UGGT1: variants seen among roughly 807,000 people sequenced by gnomAD.
The protein encoded by UGGT1 is UDP-glucose glycoprotein glucosyltransferase 1.
UGGT1 carries 107 observed loss-of-function variants against 203.9 expected under a neutral mutation model. The observed-to-expected ratio is 0.52, with a 90% CI of 0.45 to 0.62. The LOEUF is 0.62. Ranked by LOEUF, UGGT1 falls within the 20% of genes least tolerant of loss-of-function variation. UGGT1 has a pLI of 0.00. For synonymous variants in UGGT1, 628 were observed against 653.5 expected, an observed-to-expected ratio of 0.96 and a Z score of 0.59; for missense variants, 1,673 against 1,867.2, an observed-to-expected ratio of 0.90 and a Z score of 1.92.
At chr2:128,116,041 T>G (rs1573517662) in intron 7 of UGGT1, among the ~76,000 whole-genome samples, 1 of 152,160 alleles carries the variant, frequency 6.6e-6, no homozygotes, top group South Asian at 2.1e-4. Flanking sequence ...GAAAAATGCA[T>G]TCTTTATCCA....
chr2:128,179,849 T>A lies in UGGT1; in HGVS notation c.3879T>A (p.Asn1293Lys). The change falls in exon 35 of 41, where the codon AAT becomes AAA. Residue 1293 changes from asparagine (N) to lysine (K), a missense_variant. Physicochemically the swap from Asn to Lys is moderately conservative, Grantham distance 94. Around this residue, in one of 4 missense-constraint regions of UGGT1, gnomAD observed 513 missense variants for 684.1 expected, o/e 0.75. Transcript: ENST00000259253. ...KTPVKFWFLK[N>K]YLSPTFKEFI... ...CTGTGAAATTCTGGTTCTTGAAGAA[T>A]TACTTGTCCCCCACATTTAAGGTTT... is the stretch of plus-strand genomic sequence containing the variant. 6.2e-7 allele frequency: 1 copy of A among 1,613,966 alleles called. No homozygotes were observed. The highest frequency in any genetic ancestry group is 8.5e-7 in the Non-Finnish European group (1 of 1,179,860).
intron 38 of UGGT1, among the ~76,000 whole-genome samples, chr2:128,184,652 T>G (rs1459852837): frequency 6.6e-6 from 1 of 152,186 alleles, no homozygotes; most frequent in Non-Finnish European, 1.5e-5. Flanking sequence ...TCTATCTCAA[T>G]GGAATAATAA....
At position 128,121,258 on chromosome 2, in the gene UGGT1, G is replaced by A. The variant is rs189963968; in HGVS notation, c.1033G>A (p.Val345Ile). The A allele has an allele frequency of 8.6e-5, 139 of 1,613,284 alleles. 1 individual carries two copies. In the East Asian group the frequency reaches 2.9e-3, roughly 33 times the overall value. The part of the protein sequence containing the change: ...LASPVELALV[V>I]MKDLSQNFPT... The stretch of plus-strand genomic sequence containing the variant: ...TTCTCCTGTTGAGTTGGCTTTGGTT[G>A]TCATGAAGGATCTTAGTCAGAATTT... Residue 345 changes from valine (V) to isoleucine (I), a missense_variant, in exon 10 of 41, where the codon GTC becomes ATC. Around this residue, in one of 4 missense-constraint regions of UGGT1, gnomAD observed 1,073 missense variants for 1,078.7 expected, o/e 0.99. Coordinates refer to ENST00000259253, the MANE Select transcript of UGGT1 (RefSeq NM_020120.4).
intron 15 of UGGT1, among the ~76,000 whole-genome samples, chr2:128,137,958 G>A (rs902905059): frequency 3.3e-5 from 5 of 151,730 alleles, no homozygotes; most frequent in South Asian, 2.1e-4. Context: ...GCTTTTTGTC[G>A]TGGGACAGTT....
chr2:128,105,164 T>C (rs1687548826), intron 3 of UGGT1, among the ~76,000 whole-genome samples: 1 of 151,660 alleles, frequency 6.6e-6, no homozygotes, highest in Non-Finnish European at 1.5e-5. Flanking sequence ...ATTACAGGCA[T>C]GAACCACTGC....
chr2:128,155,330 G>C (rs907019995), intron 19 of UGGT1, among the ~76,000 whole-genome samples, 159 bp from the exon 20 acceptor site: 1 of 152,204 alleles, frequency 6.6e-6, no homozygotes, highest in Admixed American at 6.5e-5. Context: ...AGTAGGGATA[G>C]GGGCCATGTT....
At chr2:128,121,375 C>T (rs1245857434) in intron 10 of UGGT1, 77 bp downstream of exon 10, 2 of 813,336 alleles carry the variant, frequency 2.5e-6, no homozygotes, top group Non-Finnish European at 3.7e-6. Flanking sequence ...GAGGTAATAA[C>T]AATATGAAAA....
chr2:128,112,461 T>TATATATATATATATATATA (rs1327593184), intron 5 of UGGT1, among the ~76,000 whole-genome samples: 2 of 121,870 alleles, frequency 1.6e-5, no homozygotes, highest in Non-Finnish European at 3.5e-5. Flanking sequence ...ATGTTATATA[T>TATATATATATATATATATA]ATATATATAT....
intron 8 of UGGT1, among the ~76,000 whole-genome samples, chr2:128,118,017 G>GAGAGAGA (rs1688211691): frequency 6.7e-6 from 1 of 148,942 alleles, no homozygotes; most frequent in Non-Finnish European, 1.5e-5. Context: ...AGAGAGAGAG[G>GAGAGAGA]GAAAGAGAGA....
chr2:128,180,653 C>G (rs1573628530), intron 35 of UGGT1, among the ~76,000 whole-genome samples: 1 of 152,218 alleles, frequency 6.6e-6, no homozygotes, highest in East Asian at 1.9e-4. Context: ...AAATCCTTCT[C>G]TTGAACATTC....
chr2:128,189,595 A>C, intron 40 of UGGT1, 122 bp from the exon 41 acceptor site: 1 of 979,564 alleles, frequency 1.0e-6, no homozygotes, highest in Non-Finnish European at 1.5e-6. Flanking sequence ...AGATTTAGTA[A>C]GTGAGATAAG....
At chr2:128,183,539 C>A in intron 37 of UGGT1, 136 bp from the exon 38 acceptor site, 1 of 613,534 alleles carries the variant, frequency 1.6e-6, no homozygotes, top group Admixed American at 2.9e-5. Flanking sequence ...CACTTTAACT[C>A]CACTGTAGGG....
chr2:128,134,180 T>C lies in UGGT1; in HGVS notation c.1498-696T>C, dbSNP rs538578293. Among the ~76,000 whole-genome samples, 201 of 152,240 alleles carry C rather than the reference T, an allele frequency of 1.3e-3. 1 individual carries two copies. The highest frequency in any genetic ancestry group is 1.1e-3 in the Non-Finnish European group (74 of 67,994). ...ACCTCCCAGTAGTGGGAATTACAGG[T>C]GCATGCCACCACACCTGGCTGATTT... On this transcript the variant is annotated intron_variant, in intron 14 of 40. Coordinates refer to ENST00000259253, the MANE Select transcript of UGGT1 (RefSeq NM_020120.4).
intron 2 of UGGT1, among the ~76,000 whole-genome samples, chr2:128,102,151 T>G (rs1026879652): frequency 3.3e-5 from 5 of 152,130 alleles, no homozygotes. Context: ...CATAATTTTT[T>G]TTTTTTTTGG....
chr2:128,176,772 A>G, intron 31 of UGGT1, 42 bp from the exon 32 acceptor site: 1 of 1,577,962 alleles, frequency 6.3e-7, no homozygotes. Context: ...CTGCCTTTTG[A>G]GAATTGTGCC....
intron 4 of UGGT1, 46 bp downstream of exon 4, chr2:128,108,114 T>C (rs939037328): frequency 5.0e-6 from 8 of 1,602,344 alleles, no homozygotes; most frequent in Non-Finnish European, 6.8e-6. Context: ...GTGTATATCA[T>C]GATGAATGGA....
At chr2:128,146,344 T>G (rs1309048202) in intron 18 of UGGT1, among the ~76,000 whole-genome samples, 3 of 152,018 alleles carry the variant, frequency 2.0e-5, no homozygotes, top group African/African-American at 7.2e-5. Flanking sequence ...AAAAACTATT[T>G]TCTGTAAGTC....
Position 128,193,324 on chromosome 2 carries a change from T to C in UGGT1, c.*3582T>C, listed in dbSNP as rs1239526821. 6.7e-6 allele frequency: 1 copy of C among 149,846 alleles called. No individual in the cohort carries two copies. 9.3% of individuals were successfully genotyped at this position (149,846 alleles called of 1,614,324 possible). On this transcript the variant is annotated 3_prime_UTR_variant, in exon 41 of 41. Coordinates refer to ENST00000259253, the MANE Select transcript of UGGT1 (RefSeq NM_020120.4). ...TGGAGTGCAGTGGTGCGATCTTGGCTCACTTCAACCTCTGCCTCCCAAGTT... is the reference window on the plus strand; with the variant it reads ...TGGAGTGCAGTGGTGCGATCTTGGCCCACTTCAACCTCTGCCTCCCAAGTT...
intron 11 of UGGT1, 97 bp downstream of exon 11, chr2:128,123,343 C>G (rs1157210985): frequency 2.9e-6 from 3 of 1,023,238 alleles, no homozygotes; most frequent in Non-Finnish European, 4.3e-6. Context: ...TGTCACTCTT[C>G]TTTTATCTAA....
Sources: allele counts gnomAD v4.1 joint callset (sites outside exome capture counted in the v4.1 genomes callset), GRCh38; gene constraint gnomAD v4.1.1; regional missense constraint gnomAD v4.1.1; transcripts MANE v1.5; gene names NCBI Gene and HGNC (gene_info 2026-07-23, HGNC 2026-07-21).